DLG2: variants seen among roughly 807,000 people sequenced by gnomAD.
DLG2 encodes disks large homolog 2.
In DLG2, 45 loss-of-function variants were observed where a neutral mutation model predicts 132.5. The observed-to-expected ratio is 0.34, with a 90% CI of 0.27 to 0.44. DLG2 has a LOEUF of 0.44. Among genes scored for constraint, DLG2 ranks in the 20% least tolerant of loss-of-function variants. DLG2 has a pLI of 1.00. For synonymous variants in DLG2, 424 were observed against 419.6 expected, an observed-to-expected ratio of 1.01 and a Z score of -0.13; for missense variants, 1,045 against 1,196.9, an observed-to-expected ratio of 0.87 and a Z score of 1.87.
chr11:85,516,974 A>T (rs913468993), intron 3 of DLG2, among the ~76,000 whole-genome samples: 1 of 152,052 alleles, frequency 6.6e-6, no homozygotes, highest in African/African-American at 2.4e-5. Flanking sequence ...TAACAAAAAA[A>T]AGGAAAAACT....
chr11:85,309,167 C>A (rs187431146), intron 3 of DLG2, among the ~76,000 whole-genome samples: 1 of 152,044 alleles, frequency 6.6e-6, no homozygotes, highest in African/African-American at 2.4e-5. Context: ...GAGACATGTA[C>A]CAGAGCCACC....
intron 4 of DLG2, among the ~76,000 whole-genome samples, chr11:85,218,936 C>A (rs1366835259): frequency 2.0e-5 from 3 of 152,106 alleles, no homozygotes; most frequent in African/African-American, 7.2e-5. Context: ...CATTTGGAGG[C>A]CATAGTCCTA....
At chr11:84,121,416 C>G (rs2093905045) in intron 9 of DLG2, among the ~76,000 whole-genome samples, 1 of 152,060 alleles carries the variant, frequency 6.6e-6, no homozygotes, top group Non-Finnish European at 1.5e-5. Flanking sequence ...AGCAATGGGT[C>G]CACATTATAC....
rs2096702046 is a variant in DLG2 at position 84,067,817 on chromosome 11, TA to T, written c.750-8334del. On this transcript the variant is annotated intron_variant, in intron 10 of 27. Transcript: ENST00000376104. ...TTATTAGTTTATTAAAAATAAAAAATAAAAGAATAAAAATCAGCATAATTTA... is the reference window on the plus strand; with the variant it reads ...TTATTAGTTTATTAAAAATAAAAAATAAAGAATAAAAATCAGCATAATTTA... Among the ~76,000 whole-genome samples the T allele has an allele frequency of 2.0e-5, 3 of 152,080 alleles. No homozygotes were observed. In the South Asian group the frequency reaches 6.2e-4, roughly 31 times the overall value.
intron 3 of DLG2, among the ~76,000 whole-genome samples, chr11:85,527,420 C>G (rs2074858866): frequency 6.6e-6 from 1 of 152,040 alleles, no homozygotes; most frequent in African/African-American, 2.4e-5. Context: ...TTGTTCAACT[C>G]CCACTTATTA....
In DLG2 at chr11:85,476,593, T is replaced by A. The variant is rs1270153206; in HGVS notation, c.40+122064A>T. 2.0e-5 allele frequency among the ~76,000 whole-genome samples: 3 copies of A among 152,116 alleles called. No homozygotes were observed. The East Asian group carries it at 5.8e-4, about 29-fold the overall frequency. On this transcript the variant is annotated intron_variant, in intron 3 of 27. Transcript: ENST00000376104. Reference sequence around the variant, plus strand: ...TCTTTTCTTTCTTTATATCCTTATTTTATGAGATTTTTTCTATTTTTAATT... The same window carrying A: ...TCTTTTCTTTCTTTATATCCTTATTATATGAGATTTTTTCTATTTTTAATT...
At chr11:83,775,831 G>A (rs550861846) in intron 18 of DLG2, among the ~76,000 whole-genome samples, 4 of 151,918 alleles carry the variant, frequency 2.6e-5, no homozygotes, top group Admixed American at 6.6e-5. Flanking sequence ...AGTGGCTCAC[G>A]CCTGTAATCC....
intron 6 of DLG2, among the ~76,000 whole-genome samples, chr11:84,685,430 C>T (rs2099737245): frequency 6.6e-6 from 1 of 152,200 alleles, no homozygotes; most frequent in Non-Finnish European, 1.5e-5. Context: ...GTTCCACTGC[C>T]ACTTCAGTAG....
intron 6 of DLG2, among the ~76,000 whole-genome samples, chr11:84,596,384 T>TC (rs918663668): frequency 3.3e-5 from 5 of 150,412 alleles, no homozygotes; most frequent in African/African-American, 9.8e-5. Flanking sequence ...ATTTTCTTTT[T>TC]TTTTTTTTTT....
chr11:84,123,018 A>T (rs2094000138), intron 9 of DLG2, among the ~76,000 whole-genome samples: 1 of 152,186 alleles, frequency 6.6e-6, no homozygotes, highest in Non-Finnish European at 1.5e-5. Flanking sequence ...ATATTGGAAA[A>T]AAAACCCCTA....
At chr11:85,079,592 G>A (rs150504812) in intron 6 of DLG2, among the ~76,000 whole-genome samples, 1,709 of 151,818 alleles carry the variant, frequency 0.011, 16 homozygotes, top group Non-Finnish European at 0.016. Context: ...TTTCCAAGGC[G>A]GCACAGCTGC....
intron 17 of DLG2, among the ~76,000 whole-genome samples, chr11:83,815,509 T>C (rs987213114): frequency 1.3e-5 from 2 of 152,134 alleles, no homozygotes; most frequent in African/African-American, 4.8e-5. Flanking sequence ...CGTTCTCTGT[T>C]GGTGACACAG....
chr11:84,473,382 A>AAGCT (rs1219535443), intron 7 of DLG2, among the ~76,000 whole-genome samples: 1 of 152,134 alleles, frequency 6.6e-6, no homozygotes, highest in East Asian at 1.9e-4. Flanking sequence ...GAATGACATG[A>AAGCT]AGCTTCTTGG....
intron 19 of DLG2, among the ~76,000 whole-genome samples, chr11:83,568,254 A>C (rs959838272): frequency 1.3e-5 from 2 of 152,162 alleles, no homozygotes; most frequent in African/African-American, 4.8e-5. Flanking sequence ...GAATGAGGAT[A>C]GGAAGAGAAA....
rs185759478 is a variant in DLG2, at chr11:83,701,501, A to C, written c.1826-68176T>G. Among the ~76,000 whole-genome samples the C allele has an allele frequency of 2.0e-5, 3 of 152,294 alleles. No individual in the cohort carries two copies. In the East Asian group the frequency reaches 5.8e-4, roughly 29 times the overall value. ...TTCAGGTCAATCTTTGGGTTAAACA[A>C]AGGAAATTGAGGAAGAATAAGACAT... On this transcript the variant is annotated intron_variant, in intron 18 of 27. Coordinates refer to ENST00000376104, the MANE Select transcript of DLG2 (RefSeq NM_001142699.3).
intron 8 of DLG2, among the ~76,000 whole-genome samples, chr11:84,238,366 T>G (rs534096441): frequency 2.0e-5 from 3 of 151,898 alleles, no homozygotes; most frequent in African/African-American, 7.3e-5. Flanking sequence ...AATACAAAAA[T>G]TACCTGGATG....
At chr11:84,997,475 A>C (rs981214460) in intron 6 of DLG2, 1 of 152,120 alleles carries the variant, frequency 6.6e-6, no homozygotes, top group African/African-American at 2.4e-5. Context: ...AATGCTGTAC[A>C]CATTGGGGCA....
intron 14 of DLG2, among the ~76,000 whole-genome samples, chr11:83,938,195 T>G (rs549223594): frequency 8.1e-4 from 124 of 152,314 alleles, no homozygotes; most frequent in Admixed American, 1.7e-3. Flanking sequence ...TATTTTATAA[T>G]GTTGAATAAA....
intron 7 of DLG2, among the ~76,000 whole-genome samples, chr11:84,518,475 C>T (rs2099280312): frequency 6.6e-6 from 1 of 152,050 alleles, no homozygotes; most frequent in Non-Finnish European, 1.5e-5. Flanking sequence ...TCAATATAAA[C>T]ATTTCCCAGG....
Sources: allele counts gnomAD v4.1 joint callset (sites outside exome capture counted in the v4.1 genomes callset), GRCh38; gene constraint gnomAD v4.1.1; transcripts MANE v1.5; gene names NCBI Gene and HGNC (gene_info 2026-07-23, HGNC 2026-07-21).